Variants in ABAT observed in about 807,000 individuals in gnomAD.
ABAT encodes the protein 4-aminobutyrate aminotransferase.
ABAT carries 45 observed loss-of-function variants against 64.6 expected under a neutral mutation model. The ratio of observed to expected loss-of-function variants is 0.70; its 90% CI spans 0.55 to 0.89. The LOEUF (loss-of-function observed/expected upper bound fraction) is 0.89, where lower values mean the gene tolerates loss of function less well. Among genes scored for constraint, ABAT ranks in the 40% least tolerant of loss-of-function variants. ABAT has a pLI of 0.00. For missense variants in ABAT, 633 were observed against 658.4 expected, an observed-to-expected ratio of 0.96 and a Z score of 0.42; for synonymous variants, 297 against 250.5, an observed-to-expected ratio of 1.19 and a Z score of -1.75.
intron 9 of ABAT, among the ~76,000 whole-genome samples, chr16:8,767,988 C>T (rs1016257800): frequency 2.0e-5 from 3 of 146,912 alleles, no homozygotes; most frequent in Non-Finnish European, 3.0e-5. Flanking sequence ...AAATTTGTGA[C>T]TTAAAAAAAA....
Position 8,764,640 on chromosome 16 carries a change from C to T in ABAT, c.448-98C>T, listed in dbSNP as rs902836972. ...CAGGACAGCCCTGGTTCTGTCTGTC[C>T]CCGGTACGGCCCCTGCGAAGATTCA... On this transcript the variant is annotated intron_variant, in intron 7 of 15. Coordinates refer to ENST00000268251, the MANE Select transcript of ABAT (RefSeq NM_020686.6). This position sits in a 1 kb window ranked among gnomAD's most constrained non-coding sequence, Gnocchi z 4.2. 6 of 1,168,772 alleles carry T rather than the reference C, an allele frequency of 5.1e-6. No homozygotes were observed. Among genetic ancestry groups the T allele is most frequent in the African/African-American group, 4.5e-5 (3 of 65,938 alleles). 72.4% of individuals were successfully genotyped at this position (1,168,772 alleles called of 1,614,324 possible).
chr16:8,696,294 G>C (rs1335276319), intron 1 of ABAT, among the ~76,000 whole-genome samples: 3 of 152,292 alleles, frequency 2.0e-5, no homozygotes, highest in East Asian at 3.9e-4. Flanking sequence ...GGACCCTGGG[G>C]AAGAAGGCTG....
chr16:8,768,046 C>T, intron 9 of ABAT, 147 bp from the exon 10 acceptor site: 3 of 802,498 alleles, frequency 3.7e-6, no homozygotes, highest in Non-Finnish European at 4.3e-6. Context: ...TGGATATAGA[C>T]CCCATTGGTC....
chr16:8,770,049 A>T (rs1211678225), intron 11 of ABAT, among the ~76,000 whole-genome samples: 1 of 152,214 alleles, frequency 6.6e-6, no homozygotes, highest in East Asian at 1.9e-4. Flanking sequence ...TGCAAGCCAC[A>T]TATGTAATTA....
At chr16:8,758,302 T>C (rs978405592) in intron 6 of ABAT, among the ~76,000 whole-genome samples, 4 of 151,998 alleles carry the variant, frequency 2.6e-5, no homozygotes, top group African/African-American at 9.7e-5. Context: ...GCTGAGCTAT[T>C]TGGGGATGGA....
chr16:8,701,800 G>A (rs1208014587), intron 1 of ABAT, among the ~76,000 whole-genome samples: 1 of 152,204 alleles, frequency 6.6e-6, no homozygotes, highest in Non-Finnish European at 1.5e-5. Flanking sequence ...GGAAGACAGG[G>A]CGGGAGCCCC....
chr16:8,781,542 A>T lies in ABAT; in HGVS notation c.*112A>T. On this transcript the variant is annotated 3_prime_UTR_variant, in exon 16 of 16. Transcript: ENST00000268251. This position sits in a 1 kb window ranked among gnomAD's most constrained non-coding sequence, Gnocchi z 4.5. ...AGTATCAGAGGTGAATGCACAGTGA[A>T]GGGTGATTTGTGGGGAGGGAGCATT... 2.7e-6 allele frequency: 3 copies of T among 1,128,192 alleles called. No individual in the cohort carries two copies. Among genetic ancestry groups the T allele is most frequent in the East Asian group, 5.1e-5 (1 of 19,648 alleles). 69.9% of individuals were successfully genotyped at this position (1,128,192 alleles called of 1,614,324 possible).
At chr16:8,770,296 C>A (rs539392840) in intron 11 of ABAT, among the ~76,000 whole-genome samples, 25 of 152,174 alleles carry the variant, frequency 1.6e-4, no homozygotes, top group African/African-American at 6.0e-4. Context: ...TGACACCACA[C>A]CCGGCTAATT....
intron 1 of ABAT, among the ~76,000 whole-genome samples, chr16:8,714,239 G>T (rs1326177096): frequency 6.6e-6 from 1 of 152,158 alleles, no homozygotes; most frequent in Non-Finnish European, 1.5e-5. Context: ...AATGAAGTGA[G>T]GGTCACCTTG....
rs747914194 is a variant in ABAT, at chr16:8,764,143, G to T, written c.441G>T (p.Leu147Phe). The T allele has an allele frequency of 6.2e-7, 1 of 1,613,278 alleles. No homozygotes were observed. Residue 147 changes from leucine (L) to phenylalanine (F), a missense_variant, in exon 7 of 16, where the codon TTG becomes TTT. Leu to Phe is a conservative substitution (Grantham distance 22). Transcript: ENST00000268251. This position sits in a 1 kb window ranked among gnomAD's most constrained non-coding sequence, Gnocchi z 4.2. The part of the protein sequence containing the change: ...ENFVEKLRQS[L>F]LSVAPKGMSQ... ...TTGTGGAGAAGCTCCGGCAGTCCTT[G>T]CTCTCGGTGAGTTCTGGAGAAGCAA...
At position 8,710,683 on chromosome 16, in the gene ABAT, T is replaced by TGAGAGAGA. The variant is rs762237876; in HGVS notation, c.-41-25013_-41-25006dup. 2.8e-3 allele frequency among the ~76,000 whole-genome samples: 248 copies of TGAGAGAGA among 87,780 alleles called. 8 individuals carry two copies. The highest frequency in any genetic ancestry group is 7.8e-3 in the African/African-American group (201 of 25,826). 57.6% of individuals were successfully genotyped at this position (87,780 alleles called of 152,430 possible). On this transcript the variant is annotated intron_variant, in intron 1 of 15. Coordinates refer to ENST00000268251, the MANE Select transcript of ABAT (RefSeq NM_020686.6). ...TGAGTCCAGGAGGTTAAGGCTGCACTGAGAGAGAGACAGAGAGAGAGAGAG... is the reference window on the plus strand; with the variant it reads ...TGAGTCCAGGAGGTTAAGGCTGCACTGAGAGAGAGAGAGAGAGACAGAGAGAGAGAGAG...
chr16:8,681,063 C>A (rs1200906325), intron 1 of ABAT, among the ~76,000 whole-genome samples: 7 of 151,692 alleles, frequency 4.6e-5, no homozygotes, highest in Non-Finnish European at 1.0e-4. Context: ...CTTACTGCAG[C>A]CTTGACTTCC....
At chr16:8,688,260 A>G (rs1201420772) in intron 1 of ABAT, among the ~76,000 whole-genome samples, 1 of 152,126 alleles carries the variant, frequency 6.6e-6, no homozygotes. Flanking sequence ...TCTCATTTTT[A>G]ACCTCTTAGT....
intron 6 of ABAT, 114 bp downstream of exon 6, chr16:8,757,920 G>T: frequency 8.3e-7 from 1 of 1,204,002 alleles, no homozygotes. Flanking sequence ...CCATAAATAT[G>T]TATTGAGCCC....
At chr16:8,742,691 C>T (rs1161863449) in intron 2 of ABAT, among the ~76,000 whole-genome samples, 1 of 151,750 alleles carries the variant, frequency 6.6e-6, no homozygotes, top group Non-Finnish European at 1.5e-5. Context: ...ATGGCAAAAC[C>T]CCTTCTCTGC....
intron 1 of ABAT, among the ~76,000 whole-genome samples, chr16:8,723,252 A>T (rs943279982): frequency 6.6e-6 from 1 of 152,112 alleles, no homozygotes; most frequent in African/African-American, 2.4e-5. Context: ...TAAAGAGAGG[A>T]AGCCGAGAGG....
chr16:8,748,534 T>A (rs931200831), intron 4 of ABAT, among the ~76,000 whole-genome samples: 2 of 152,196 alleles, frequency 1.3e-5, no homozygotes, highest in Non-Finnish European at 2.9e-5. Context: ...GTTCTATAGA[T>A]GTTTCTTAGG....
At chr16:8,744,862 C>A (rs1467483974) in intron 2 of ABAT, among the ~76,000 whole-genome samples, 1 of 152,038 alleles carries the variant, frequency 6.6e-6, no homozygotes, top group Non-Finnish European at 1.5e-5. Flanking sequence ...CTTTCCATAT[C>A]CACAAATATT....
At position 8,754,179 on chromosome 16, in the gene ABAT, TAAAAAAA is replaced by T. The variant is rs750745519; in HGVS notation, c.317-3558_317-3552del. On this transcript the variant is annotated intron_variant, in intron 5 of 15. Transcript: ENST00000268251. ...AGCCAACATGTTGAAACCCTGTCTA[TAAAAAAA>T]AAAAAAAAAAAAAAAAAAATTAGCC... Among the ~76,000 whole-genome samples, 53 of 63,840 alleles carry T rather than the reference TAAAAAAA, an allele frequency of 8.3e-4. 2 individuals are homozygous for T. The East Asian group carries it at 0.015, about 18-fold the overall frequency. The allele number at this position is 63,840 out of a possible 152,430, so 41.9% of individuals were successfully genotyped here.
Sources: gnomAD v4.1 joint callset for allele counts (sites outside exome capture counted in the v4.1 genomes callset) on GRCh38, gnomAD v4.1.1 for gene constraint, Gnocchi (gnomAD v3.1) non-coding constraint, MANE v1.5 for transcripts, NCBI Gene and HGNC (gene_info 2026-07-23, HGNC 2026-07-21) for gene names.